UTP18: variants seen among roughly 807,000 people sequenced by gnomAD.
The protein encoded by UTP18 is UTP18 small subunit processome component.
UTP18 carries 36 observed loss-of-function variants against 61.1 expected under a neutral mutation model. That is an observed-to-expected ratio of 0.59 (90% CI 0.45 to 0.78). The LOEUF is 0.78. UTP18 is among the 30% of genes least tolerant of loss of function. The probability of loss-of-function intolerance (pLI) is 0.00; values close to 1 mark genes in which losing one functional copy is unlikely to be tolerated. For synonymous variants in UTP18, 282 were observed against 251.1 expected (o/e 1.12, Z -1.16); for missense variants, 753 against 693.9 (o/e 1.09, Z -0.96).
At chr17:51,296,754 GGA>G in intron 12 of UTP18, 1 of 484,694 alleles carries the variant, frequency 2.1e-6, no homozygotes, top group Non-Finnish European at 3.6e-6. Flanking sequence ...GTGAAACTTT[GGA>G]GTAAGCCTAC....
chr17:51,280,806 C>A (rs573851585), intron 9 of UTP18, among the ~76,000 whole-genome samples: 18 of 151,568 alleles, frequency 1.2e-4, no homozygotes, highest in African/African-American at 3.9e-4. Flanking sequence ...GAACGAGACT[C>A]CATCTCAATA....
At chr17:51,291,946 C>A (rs545664383) in intron 11 of UTP18, among the ~76,000 whole-genome samples, 1 of 152,222 alleles carries the variant, frequency 6.6e-6, no homozygotes, top group South Asian at 2.1e-4. Context: ...GCTTTGTCCT[C>A]ACCCCTTGTA....
Position 51,261,847 on chromosome 17 carries a change from T to C in UTP18, c.342+921T>C, listed in dbSNP as rs1324558828. ...ATGTCAGCTGCTTACCAGAGCCGCC[T>C]TCGGGTGCTTGTAGGAGAAGTGGCA... On this transcript the variant is annotated intron_variant, in intron 1 of 13. Coordinates refer to ENST00000225298, the MANE Select transcript of UTP18 (RefSeq NM_016001.3). Among the ~76,000 whole-genome samples, 2 of 151,848 alleles carry C rather than the reference T, an allele frequency of 1.3e-5. 1 individual carries two copies. The highest frequency in any genetic ancestry group is 1.3e-4 in the Admixed American group (2 of 15,238).
chr17:51,270,066 G>T (rs1467828505), intron 4 of UTP18, among the ~76,000 whole-genome samples: 2 of 152,102 alleles, frequency 1.3e-5, no homozygotes, highest in Non-Finnish European at 2.9e-5. Flanking sequence ...GTGTTGGCCA[G>T]GCTGGTCTTG....
At chr17:51,265,835 T>A (rs1270535460) in intron 2 of UTP18, among the ~76,000 whole-genome samples, 2 of 152,194 alleles carry the variant, frequency 1.3e-5, no homozygotes, top group Non-Finnish European at 2.9e-5. Context: ...GTGCTGGGAT[T>A]ACAGGCGTGA....
chr17:51,277,064 G>GTA (rs1345684845), intron 6 of UTP18, 66 bp from the exon 7 acceptor site: 2 of 1,515,506 alleles, frequency 1.3e-6, no homozygotes, highest in African/African-American at 2.8e-5. Flanking sequence ...GTAGTGAAAA[G>GTA]TATATACTAC....
chr17:51,271,671 ATTTG>A lies in UTP18; in HGVS notation c.623-1688_623-1685del, dbSNP rs1317031677. Among the ~76,000 whole-genome samples, 3 of 151,890 alleles carry A rather than the reference ATTTG, an allele frequency of 2.0e-5. No homozygotes were observed. The East Asian group carries it at 5.8e-4, about 29-fold the overall frequency. The stretch of plus-strand genomic sequence containing the variant: ...TCTATTGGAGGCTTAATTTAATTTT[ATTTG>A]TTATTATTTTTTGAGTTAGTCTTGC... On this transcript the variant is annotated intron_variant, in intron 4 of 13. Coordinates refer to ENST00000225298, the MANE Select transcript of UTP18 (RefSeq NM_016001.3).
At chr17:51,294,114 A>G (rs928434333) in intron 12 of UTP18, 69 bp downstream of exon 12, 4 of 1,270,974 alleles carry the variant, frequency 3.1e-6, no homozygotes, top group Non-Finnish European at 4.1e-6. Flanking sequence ...AAGAGATACT[A>G]TATATTCCTA....
rs1420618390 is a variant in UTP18, at chr17:51,282,866, TC to T, written c.1205-2378del. Among the ~76,000 whole-genome samples, 100 of 55,264 alleles carry T rather than the reference TC, an allele frequency of 1.8e-3. 1 individual carries two copies. The highest frequency in any genetic ancestry group is 8.9e-3 in the African/African-American group (96 of 10,760). 36.3% of individuals were successfully genotyped at this position (55,264 alleles called of 152,430 possible). Reference sequence around the variant, plus strand: ...TTCCTCCTTTTCTTCTTCTTCTTCTTCTTTTTTTTTTTTTTTTTTTGAGACA... The same window carrying T: ...TTCCTCCTTTTCTTCTTCTTCTTCTTTTTTTTTTTTTTTTTTTTTGAGACA... On this transcript the variant is annotated intron_variant, in intron 9 of 13. Coordinates refer to ENST00000225298, the MANE Select transcript of UTP18 (RefSeq NM_016001.3).
At chr17:51,284,729 C>A (rs1905048986) in intron 9 of UTP18, among the ~76,000 whole-genome samples, 1 of 152,106 alleles carries the variant, frequency 6.6e-6, no homozygotes, top group Non-Finnish European at 1.5e-5. Flanking sequence ...TAATGACTAA[C>A]TGATGCAGTT....
In UTP18 at chr17:51,266,248, G is replaced by A. The variant is rs559045480; in HGVS notation, c.522G>A (p.Ser174=). The change falls in exon 3 of 14, where the codon TCG becomes TCA. Residue 174 remains serine (S), a synonymous_variant. Transcript: ENST00000225298. ...AAAATGCTAGTGAAAGTAAACTTTC[G>A]AAAGACAACCTTAAAAAGAGACTTA... ...MMKNASESKL[S]KDNLKKRLKE... The A allele has an allele frequency of 1.0e-5, 16 of 1,600,036 alleles. 1 individual carries two copies. The highest frequency in any genetic ancestry group is 3.3e-4 in the Middle Eastern group (2 of 6,008).
rs1415611163 is a variant in UTP18, at chr17:51,260,688, C to A, written c.104C>A (p.Pro35Gln). ...MRPDWKAGAGPGGPPQKPAPS... is the reference protein window; with the variant it reads ...MRPDWKAGAGQGGPPQKPAPS... ...CCGGACTGGAAAGCCGGAGCGGGGC[C>A]AGGCGGGCCTCCCCAAAAGCCTGCC... is the stretch of plus-strand genomic sequence containing the variant. Residue 35 changes from proline (P) to glutamine (Q), a missense_variant, in exon 1 of 14, where the codon CCA becomes CAA. Transcript: ENST00000225298. 6.2e-7 allele frequency: 1 copy of A among 1,608,198 alleles called. No homozygotes were observed. The highest frequency in any genetic ancestry group is 2.2e-5 in the East Asian group (1 of 44,674).
At chr17:51,261,034 T>C (rs2055454658) in intron 1 of UTP18, 108 bp downstream of exon 1, 1 of 1,090,114 alleles carries the variant, frequency 9.2e-7, no homozygotes. Context: ...CGGGGAGCGC[T>C]CAGGTGGGAG....
chr17:51,264,849 A>T (rs1427996898), intron 2 of UTP18, among the ~76,000 whole-genome samples: 1 of 151,774 alleles, frequency 6.6e-6, no homozygotes. Context: ...TGCCCAGCTA[A>T]TTTTTGTATT....
intron 10 of UTP18, among the ~76,000 whole-genome samples, chr17:51,286,813 TTA>T (rs1324505556): frequency 6.6e-6 from 1 of 151,924 alleles, no homozygotes; most frequent in Non-Finnish European, 1.5e-5. Flanking sequence ...TTTAAACTCA[TTA>T]TAAGTAGTTT....
At chr17:51,286,356 C>T (rs575456395) in intron 10 of UTP18, 102 of 388,708 alleles carry the variant, frequency 2.6e-4, no homozygotes, top group Non-Finnish European at 4.4e-4. Context: ...TTGTGATTTT[C>T]TTAGACCAAA....
chr17:51,279,749 T>A (rs1183753153), intron 7 of UTP18, among the ~76,000 whole-genome samples: 1 of 152,136 alleles, frequency 6.6e-6, no homozygotes, highest in Non-Finnish European at 1.5e-5. Flanking sequence ...GAGAGCTGAG[T>A]CTCTGGCCTG....
At chr17:51,265,194 A>C (rs1008303088) in intron 2 of UTP18, among the ~76,000 whole-genome samples, 12 of 151,838 alleles carry the variant, frequency 7.9e-5, no homozygotes, top group Non-Finnish European at 1.8e-4. Flanking sequence ...CTGCTTTTTT[A>C]ATAGTAAGTA....
intron 11 of UTP18, 124 bp from the exon 12 acceptor site, chr17:51,293,779 C>T (rs1905291797): frequency 1.2e-6 from 1 of 821,972 alleles, no homozygotes; most frequent in African/African-American, 1.7e-5. Flanking sequence ...ATAGACTGTA[C>T]TTTCTTGTGT....
Sources: allele counts gnomAD v4.1 joint callset (sites outside exome capture counted in the v4.1 genomes callset), GRCh38; gene constraint gnomAD v4.1.1; transcripts MANE v1.5; gene names NCBI Gene and HGNC (gene_info 2026-07-23, HGNC 2026-07-21).